ZFHX3: variants seen among roughly 807,000 people sequenced by gnomAD.
ZFHX3 encodes zinc finger homeobox protein 3.
ZFHX3 carries 42 observed loss-of-function variants against 279.1 expected under a neutral mutation model. The ratio of observed to expected loss-of-function variants is 0.15; its 90% confidence interval spans 0.12 to 0.19. ZFHX3 has a LOEUF of 0.19. Ranked by LOEUF, ZFHX3 falls within the 10% of genes least tolerant of loss-of-function variation. The pLI, the probability that ZFHX3 is intolerant of heterozygous loss-of-function variation, is 1.00. For missense variants in ZFHX3, 4,981 were observed against 4,754.0 expected, an observed-to-expected ratio of 1.05 and a Z score of -1.40; for synonymous variants, 2,293 against 1,957.8, an observed-to-expected ratio of 1.17 and a Z score of -4.52.
chr16:73,346,291 C>G (rs991221201), intron 3 of ZFHX3, among the ~76,000 whole-genome samples: 1 of 152,174 alleles, frequency 6.6e-6, no homozygotes, highest in African/African-American at 2.4e-5. Context: ...TCTTTGAAAG[C>G]CTCACGCACC....
chr16:73,741,899 T>C (rs1276352596), intron 1 of ZFHX3, among the ~76,000 whole-genome samples: 1 of 152,226 alleles, frequency 6.6e-6, no homozygotes, highest in Non-Finnish European at 1.5e-5. Flanking sequence ...GCTGATTTTA[T>C]TCTAAGTCTT....
At chr16:73,334,745 C>G (rs1044180449) in intron 3 of ZFHX3, among the ~76,000 whole-genome samples, 2 of 150,288 alleles carry the variant, frequency 1.3e-5, no homozygotes, top group African/African-American at 4.9e-5. Context: ...CCCTCCTCCT[C>G]TCAGTCCTGT....
Position 72,795,428 on chromosome 16 carries a change from G to T in ZFHX3, c.7254C>A (p.Thr2418=), listed in dbSNP as rs746447934. 3.7e-6 allele frequency: 6 copies of T among 1,614,152 alleles called. No homozygotes were observed. Among genetic ancestry groups the T allele is most frequent in the Non-Finnish European group, 5.1e-6 (6 of 1,180,034 alleles). The change falls in exon 9 of 10, where the codon ACC becomes ACA. Residue 2418 remains threonine, a synonymous_variant. Coordinates refer to ENST00000268489, the MANE Select transcript of ZFHX3 (RefSeq NM_006885.4). ...CGCCTGCCTCTGTTTTTGAATTGAA[G>T]GTGGCCAGTTCCTCAGCCTCCGCTG... ...QLTAEAEELA[T]FNSKTEAGDE...
At chr16:73,330,509 A>C (rs1000873991) in intron 3 of ZFHX3, among the ~76,000 whole-genome samples, 4 of 152,224 alleles carry the variant, frequency 2.6e-5, no homozygotes, top group African/African-American at 9.6e-5. Flanking sequence ...CAATAGGGGC[A>C]AACGTCAGGA....
chr16:72,918,358 A>C (rs1401809408), intron 3 of ZFHX3, among the ~76,000 whole-genome samples: 1 of 152,252 alleles, frequency 6.6e-6, no homozygotes, highest in Non-Finnish European at 1.5e-5. Flanking sequence ...ACAATTAGCT[A>C]AACTGCTTAT....
chr16:73,023,759 C>G (rs1964395901), intron 1 of ZFHX3, among the ~76,000 whole-genome samples: 1 of 152,204 alleles, frequency 6.6e-6, no homozygotes, highest in Admixed American at 6.5e-5. Context: ...TGCCACCACC[C>G]ACGCCAATCC....
At chr16:73,247,071 AGTGTAT>A (rs1019862975) in intron 5 of ZFHX3, among the ~76,000 whole-genome samples, 31 of 151,818 alleles carry the variant, frequency 2.0e-4, no homozygotes, top group African/African-American at 7.5e-4. Context: ...CTGTATGTGG[AGTGTAT>A]GTGTATGTGT....
intron 1 of ZFHX3, among the ~76,000 whole-genome samples, chr16:73,818,099 G>A (rs556362584): frequency 3.3e-5 from 5 of 152,296 alleles, no homozygotes; most frequent in South Asian, 2.1e-4. Flanking sequence ...AGACCCAAAC[G>A]GGTCAGGCTT....
chr16:73,093,512 C>T lies in ZFHX3; in HGVS notation c.-810G>A, dbSNP rs373706877. ...GTAAGAAGAGATGGAGTCATAGCTG[C>T]GCCCTGTCCACTCTCGGGCTGTCAC... On this transcript the variant is annotated 5_prime_UTR_variant, in exon 8 of 18. Transcript: ENST00000641206. 6.9e-5 allele frequency: 35 copies of T among 503,828 alleles called. 1 individual carries two copies. Among genetic ancestry groups the T allele is most frequent in the South Asian group, 1.2e-4 (8 of 68,382 alleles). 31.2% of individuals were successfully genotyped at this position (503,828 alleles called of 1,614,324 possible).
intron 5 of ZFHX3, among the ~76,000 whole-genome samples, chr16:72,829,068 G>A (rs1021836133): frequency 1.2e-4 from 18 of 151,496 alleles, no homozygotes; most frequent in African/African-American, 4.4e-4. Flanking sequence ...GGCATGATTA[G>A]GGCTCACTGC....
At position 73,799,897 on chromosome 16, in the gene ZFHX3, TAAC is replaced by T. The variant is rs202042710; in HGVS notation, c.-1608+91751_-1608+91753del. 5.7e-3 allele frequency among the ~76,000 whole-genome samples: 867 copies of T among 152,136 alleles called. 5 individuals are homozygous for T. The highest frequency in any genetic ancestry group is 8.9e-3 in the Non-Finnish European group (602 of 67,994). On this transcript the variant is annotated intron_variant, in intron 1 of 17. Coordinates refer to the ZFHX3 transcript ENST00000641206. ...GGATGCACATAACGTACACGAATAA[TAAC>T]AACAACGACTTAAGGCCAGGTGTAG...
At chr16:73,363,890 G>A (rs2016480022) in intron 3 of ZFHX3, among the ~76,000 whole-genome samples, 1 of 152,126 alleles carries the variant, frequency 6.6e-6, no homozygotes, top group African/African-American at 2.4e-5. Flanking sequence ...GGTAGCTACA[G>A]TTCTGGGCAC....
intron 8 of ZFHX3, among the ~76,000 whole-genome samples, chr16:73,088,075 G>A (rs1273070698): frequency 2.6e-5 from 4 of 152,020 alleles, no homozygotes; most frequent in African/African-American, 4.8e-5. Flanking sequence ...TGATTCACCC[G>A]CCTTAACCTC....
At chr16:73,383,125 T>G (rs2016843650) in intron 3 of ZFHX3, among the ~76,000 whole-genome samples, 1 of 152,236 alleles carries the variant, frequency 6.6e-6, no homozygotes, top group Non-Finnish European at 1.5e-5. Flanking sequence ...ATCTCTTCTC[T>G]TAAGGCTTGG....
intron 7 of ZFHX3, chr16:73,125,476 G>A (rs1310559806): frequency 6.6e-6 from 1 of 152,112 alleles, no homozygotes; most frequent in Non-Finnish European, 1.5e-5. Flanking sequence ...TGAGGGTGTT[G>A]CAGAAGGAGA....
chr16:72,903,710 G>A (rs753460755), intron 3 of ZFHX3, among the ~76,000 whole-genome samples: 3 of 152,188 alleles, frequency 2.0e-5, no homozygotes, highest in Non-Finnish European at 4.4e-5. Flanking sequence ...GAAATGGGTC[G>A]CACTACTGAA....
chr16:72,794,211 T>A lies in ZFHX3; in HGVS notation c.8471A>T (p.Asn2824Ile). The stretch of plus-strand genomic sequence containing the variant: ...GTTGTCCAGCTTAGTTTGGTCAAAG[T>A]TTAGATTAACTGAGGACATGGAGGG... ...ESPSMSSVNL[N>I]FDQTKLDNDD... is the part of the protein sequence containing the mutation. The change falls in exon 9 of 10, where the codon AAC (asparagine) becomes ATC (isoleucine). Residue 2824 changes from asparagine (N) to isoleucine (I), a missense_variant. Transcript: ENST00000268489. The surrounding 1 kb of genome is among the most constrained non-coding windows in gnomAD (Gnocchi z 4.2). 6.2e-7 allele frequency: 1 copy of A among 1,614,148 alleles called. No individual in the cohort carries two copies. Among genetic ancestry groups the A allele is most frequent in the South Asian group, 1.1e-5 (1 of 91,080 alleles).
chr16:73,152,837 G>A (rs576183464), intron 5 of ZFHX3, among the ~76,000 whole-genome samples: 347 of 151,364 alleles, frequency 2.3e-3, no homozygotes, highest in Middle Eastern at 6.8e-3. Context: ...GAAGGGAGGG[G>A]AGTAATCGCG....
At chr16:72,807,200 T>G (rs949470723) in intron 7 of ZFHX3, 2 of 152,126 alleles carry the variant, frequency 1.3e-5, no homozygotes, top group African/African-American at 4.8e-5. Flanking sequence ...TAGGTGAGAG[T>G]TCTTATGTGT....
Sources: gnomAD v4.1 joint callset for allele counts (sites outside exome capture counted in the v4.1 genomes callset) on GRCh38, gnomAD v4.1.1 for gene constraint, Gnocchi (gnomAD v3.1) non-coding constraint, MANE v1.5 for transcripts, NCBI Gene and HGNC (gene_info 2026-07-23, HGNC 2026-07-21) for gene names.